MTHFD2L: variants seen among roughly 807,000 people sequenced by gnomAD.
MTHFD2L encodes bifunctional methylenetetrahydrofolate dehydrogenase/cyclohydrolase 2, mitochondrial.
MTHFD2L carries 29 observed loss-of-function variants against 34.9 expected under a neutral mutation model. That is an observed-to-expected ratio of 0.83 (90% CI 0.62 to 1.13). MTHFD2L has a LOEUF of 1.13. Among genes scored for constraint, MTHFD2L ranks in the 50% most tolerant of loss-of-function variants. The pLI, the probability that MTHFD2L is intolerant of heterozygous loss-of-function variation, is 0.00. For missense variants in MTHFD2L, 481 were observed against 446.5 expected (o/e 1.08, Z -0.70); for synonymous variants, 167 against 155.7 (o/e 1.07, Z -0.54).
chr4:74,283,459 A>T (rs914176764), intron 7 of MTHFD2L, among the ~76,000 whole-genome samples: 1 of 152,250 alleles, frequency 6.6e-6, no homozygotes, highest in Admixed American at 6.6e-5. Context: ...TAAAAATTTT[A>T]AAAGGAGATG....
intron 3 of MTHFD2L, among the ~76,000 whole-genome samples, chr4:74,193,817 T>A (rs1733002089): frequency 6.6e-6 from 1 of 152,186 alleles, no homozygotes; most frequent in Non-Finnish European, 1.5e-5. Flanking sequence ...GTTTTATAAA[T>A]TTTTAAGCAT....
chr4:74,138,790 A>G (rs1042103270), intron 1 of MTHFD2L, among the ~76,000 whole-genome samples: 1 of 152,196 alleles, frequency 6.6e-6, no homozygotes, highest in African/African-American at 2.4e-5. Context: ...GAGCTCCCAT[A>G]CAATGGGAGG....
At chr4:74,137,726 A>G (rs1275778715) in intron 1 of MTHFD2L, among the ~76,000 whole-genome samples, 3 of 152,174 alleles carry the variant, frequency 2.0e-5, no homozygotes, top group African/African-American at 4.8e-5. Context: ...AAATGGAGGA[A>G]TGGATAAAGA....
intron 6 of MTHFD2L, among the ~76,000 whole-genome samples, chr4:74,246,918 C>T (rs1021728826): frequency 6.6e-6 from 1 of 152,160 alleles, no homozygotes; most frequent in African/African-American, 2.4e-5. Context: ...AGCATGATGT[C>T]TCCAGCTTTG....
At chr4:74,174,357 T>C (rs1158973432) in intron 1 of MTHFD2L, 149 bp from the exon 2 acceptor site, 4 of 444,676 alleles carry the variant, frequency 9.0e-6, no homozygotes, top group Non-Finnish European at 1.5e-5. Flanking sequence ...TTTATGAACC[T>C]GAAGAGTAGG....
intron 5 of MTHFD2L, among the ~76,000 whole-genome samples, chr4:74,218,481 C>T (rs560230928): frequency 1.2e-4 from 18 of 152,034 alleles, no homozygotes; most frequent in African/African-American, 3.9e-4. Flanking sequence ...TTTGCAAGGG[C>T]GCGGCCAAGA....
At chr4:74,173,578 G>A (rs1315735341) in intron 1 of MTHFD2L, among the ~76,000 whole-genome samples, 6 of 152,166 alleles carry the variant, frequency 3.9e-5, no homozygotes, top group Non-Finnish European at 8.8e-5. Context: ...GTAGTATGAA[G>A]CTCATGACTT....
intron 3 of MTHFD2L, chr4:74,182,689 A>G (rs1228731811): frequency 2.0e-5 from 3 of 152,052 alleles, no homozygotes; most frequent in Non-Finnish European, 4.4e-5. Context: ...AAATATCCAC[A>G]TGTCCTCTTA....
At chr4:74,180,640 T>C in intron 3 of MTHFD2L, 1 of 425,534 alleles carries the variant, frequency 2.3e-6, no homozygotes, top group Non-Finnish European at 4.9e-6. Flanking sequence ...TTCTGTCCTG[T>C]TTAATGGTAC....
intron 1 of MTHFD2L, among the ~76,000 whole-genome samples, chr4:74,132,560 G>T (rs962251216): frequency 6.6e-6 from 1 of 152,100 alleles, no homozygotes; most frequent in Non-Finnish European, 1.5e-5. Context: ...GACACAGGGA[G>T]GGGAACATCA....
intron 6 of MTHFD2L, among the ~76,000 whole-genome samples, chr4:74,243,792 A>C (rs1742037053): frequency 6.6e-6 from 1 of 152,208 alleles, no homozygotes; most frequent in Non-Finnish European, 1.5e-5. Context: ...CTAGGAGTAA[A>C]GAGAGCATTT....
chr4:74,217,479 T>TGTA (rs1737391801), intron 5 of MTHFD2L, among the ~76,000 whole-genome samples: 1 of 151,920 alleles, frequency 6.6e-6, no homozygotes, highest in South Asian at 2.1e-4. Flanking sequence ...GCATGATTAC[T>TGTA]GAGTTTTCCT....
At chr4:74,300,829 A>G (rs1011985005) in intron 7 of MTHFD2L, among the ~76,000 whole-genome samples, 5 of 152,128 alleles carry the variant, frequency 3.3e-5, no homozygotes, top group African/African-American at 1.2e-4. Context: ...ACCAAAGATC[A>G]TACCTTAGTC....
intron 5 of MTHFD2L, among the ~76,000 whole-genome samples, chr4:74,210,271 A>G (rs1159001911): frequency 7.9e-5 from 12 of 152,184 alleles, no homozygotes; most frequent in Non-Finnish European, 1.2e-4. Flanking sequence ...GCCCATGCCT[A>G]TGTCCCAAAT....
chr4:74,264,561 G>A (rs915205353), intron 6 of MTHFD2L, among the ~76,000 whole-genome samples: 1 of 151,780 alleles, frequency 6.6e-6, no homozygotes, highest in Non-Finnish European at 1.5e-5. Context: ...AAATTAGAGT[G>A]TTAGAATATA....
At chr4:74,181,349 G>A (rs1289052255) in intron 3 of MTHFD2L, among the ~76,000 whole-genome samples, 1 of 152,140 alleles carries the variant, frequency 6.6e-6, no homozygotes, top group African/African-American at 2.4e-5. Flanking sequence ...TGCCAACACT[G>A]TACAGAAGTG....
chr4:74,128,084 T>G (rs1429268538), intron 1 of MTHFD2L, among the ~76,000 whole-genome samples: 1 of 152,142 alleles, frequency 6.6e-6, no homozygotes, highest in Non-Finnish European at 1.5e-5. Context: ...TTGTCCGTTT[T>G]AAAATCAGAT....
upstream of MTHFD2L, among the ~76,000 whole-genome samples, chr4:74,124,844 T>C (rs555291611): frequency 7.9e-5 from 12 of 152,228 alleles, 1 homozygote; most frequent in South Asian, 2.5e-3. Context: ...ATTATAAAAA[T>C]TAAGAAATCA....
At chr4:74,135,110 G>T (rs192055540) in intron 1 of MTHFD2L, among the ~76,000 whole-genome samples, 1 of 152,072 alleles carries the variant, frequency 6.6e-6, no homozygotes, top group African/African-American at 2.4e-5. Context: ...TCAGGTACAG[G>T]AAGGCCTTAG....
Sources: gnomAD v4.1 joint callset for allele counts (sites outside exome capture counted in the v4.1 genomes callset) on GRCh38, gnomAD v4.1.1 for gene constraint, MANE v1.5 for transcripts, NCBI Gene and HGNC (gene_info 2026-07-23, HGNC 2026-07-21) for gene names.